The following TP53I11 variants were observed in gnomAD, a reference collection of about 807,000 sequenced individuals.
The protein encoded by TP53I11 is tumor protein p53-inducible protein 11.
In TP53I11, 9 loss-of-function variants were observed where a neutral mutation model predicts 23.3. That is an observed-to-expected ratio of 0.39 (90% CI 0.23 to 0.67). The LOEUF is 0.67. TP53I11 is among the 30% of genes least tolerant of loss of function. The pLI is 0.48. For synonymous variants in TP53I11, 100 were observed against 106.1 expected (o/e 0.94, Z 0.35); for missense variants, 170 against 255.2 (o/e 0.67, Z 2.27).
chr11:44,950,611 G>T (rs1337614587), intron 1 of TP53I11, 66 bp downstream of exon 1: 1 of 151,936 alleles, frequency 6.6e-6, no homozygotes, highest in African/African-American at 2.4e-5. Flanking sequence ...GTTGCGCTGC[G>T]CAGGCGGCGG....
At chr11:44,949,460 G>T (rs1428854290) in intron 1 of TP53I11, among the ~76,000 whole-genome samples, 2 of 152,208 alleles carry the variant, frequency 1.3e-5, no homozygotes, top group African/African-American at 2.4e-5. Context: ...TTGGCCAGCC[G>T]CTCTGGGCTT....
At chr11:44,938,508 A>T (rs751295060) in intron 1 of TP53I11, 142 bp from the exon 2 acceptor site, 3 of 987,402 alleles carry the variant, frequency 3.0e-6, no homozygotes, top group African/African-American at 1.7e-5. Context: ...GGGGGAGTAC[A>T]GCTGGCTTCC....
intron 1 of TP53I11, among the ~76,000 whole-genome samples, chr11:44,942,087 A>C (rs1299555860): frequency 7.2e-4 from 4 of 5,526 alleles, no homozygotes; most frequent in Non-Finnish European, 1.1e-3. Flanking sequence ...CACCATACAA[A>C]CTACACACAC....
chr11:44,935,785 G>T, intron 5 of TP53I11, 123 bp from the exon 6 acceptor site: 1 of 671,930 alleles, frequency 1.5e-6, no homozygotes, highest in Non-Finnish European at 2.6e-6. Context: ...TGGACTCCAC[G>T]CCTCCGCCCC....
intron 1 of TP53I11, among the ~76,000 whole-genome samples, chr11:44,941,975 TACAC>T (rs3051420): frequency 1.0e-3 from 102 of 98,644 alleles, no homozygotes; most frequent in African/African-American, 4.2e-3. Flanking sequence ...GCACACACAG[TACAC>T]ACACACACAC....
At position 44,932,424 on chromosome 11, in the gene TP53I11, G is replaced by A. The variant is rs3189352; in HGVS notation, c.*2460C>T. ...ACAAAGAATAAATAGTGACCGTGAA[G>A]AAAGGTGGTCTTGATTTGGGGTTGG... On this transcript the variant is annotated 3_prime_UTR_variant, in exon 7 of 7. Coordinates refer to ENST00000525680, the MANE Select transcript of TP53I11 (RefSeq NM_006034.5). The A allele has an allele frequency of 6.6e-6, 1 of 152,324 alleles. No homozygotes were observed. Among genetic ancestry groups the A allele is most frequent in the Non-Finnish European group, 1.5e-5 (1 of 68,086 alleles). The allele number at this position is 152,324 out of a possible 1,614,324, so 9.4% of individuals were successfully genotyped here.
In TP53I11 at chr11:44,936,238, TC is replaced by T. The variant is rs993354707; in HGVS notation, c.334+564del. The T allele has an allele frequency of 1.5e-5, 16 of 1,045,798 alleles. No homozygotes were observed. In the African/African-American group the frequency reaches 2.0e-4, roughly 13 times the overall value. 64.8% of individuals were successfully genotyped at this position (1,045,798 alleles called of 1,614,324 possible). On this transcript the variant is annotated intron_variant, in intron 5 of 6. Coordinates refer to ENST00000525680, the MANE Select transcript of TP53I11 (RefSeq NM_006034.5). The surrounding 1 kb of genome is among the most constrained non-coding windows in gnomAD (Gnocchi z 4.4). ...GCCACTGGGTGTGCATTTATTTTAT[TC>T]CAGCAACCCTAACTCCAGAGGAGCT...
At chr11:44,937,252 G>A in intron 4 of TP53I11, 52 bp downstream of exon 4, 1 of 1,540,246 alleles carries the variant, frequency 6.5e-7, no homozygotes, top group Non-Finnish European at 8.8e-7. Flanking sequence ...CCAGAGAAGG[G>A]CTGAGGGAGC....
At chr11:44,935,123 C>T in intron 6 of TP53I11, 106 bp from the exon 7 acceptor site, 1 of 1,533,668 alleles carries the variant, frequency 6.5e-7, no homozygotes, top group African/African-American at 1.4e-5. Context: ...TGACTTTGCT[C>T]TGAGCCCAGG....
At chr11:44,948,245 GTC>G (rs1862580360) in intron 1 of TP53I11, among the ~76,000 whole-genome samples, 2 of 152,264 alleles carry the variant, frequency 1.3e-5, no homozygotes, top group African/African-American at 4.8e-5. Flanking sequence ...CTGACATACT[GTC>G]TCTGAGCCTC....
rs2135403827 is a variant in TP53I11, at chr11:44,933,222, G to GT, written c.*1661dup. ...TCTCGGGGCATCCGCTGTAACCATG[G>GT]TGGTGCCACCACTCTGCTGGGTACA... On this transcript the variant is annotated 3_prime_UTR_variant, in exon 7 of 7. Transcript: ENST00000525680. 1 of 152,450 alleles carries GT rather than the reference G, an allele frequency of 6.6e-6. No individual in the cohort carries two copies. Among genetic ancestry groups the GT allele is most frequent in the Admixed American group, 6.5e-5 (1 of 15,310 alleles). The allele number at this position is 152,450 out of a possible 1,614,324, so 9.4% of individuals were successfully genotyped here.
In TP53I11 at chr11:44,936,424, G is replaced by A. The variant is rs915620939; in HGVS notation, c.334+379C>T. ...TGGTTCAAACAGAAGTGGCTCTGGGGATAAAATAGGGGGGGTGCGAGGGGT... is the reference window on the plus strand; with the variant it reads ...TGGTTCAAACAGAAGTGGCTCTGGGAATAAAATAGGGGGGGTGCGAGGGGT... On this transcript the variant is annotated intron_variant, in intron 5 of 6. Coordinates refer to ENST00000525680, the MANE Select transcript of TP53I11 (RefSeq NM_006034.5). This position sits in a 1 kb window ranked among gnomAD's most constrained non-coding sequence, Gnocchi z 4.4. 1 of 1,232,664 alleles carries A rather than the reference G, an allele frequency of 8.1e-7. No homozygotes were observed. Among genetic ancestry groups the A allele is most frequent in the Non-Finnish European group, 1.0e-6 (1 of 989,274 alleles). The allele number at this position is 1,232,664 out of a possible 1,614,324, so 76.4% of individuals were successfully genotyped here.
chr11:44,937,754 G>A, intron 2 of TP53I11, 141 bp from the exon 3 acceptor site: 1 of 760,464 alleles, frequency 1.3e-6, no homozygotes, highest in Non-Finnish European at 2.2e-6. Context: ...GGTGGGGAGG[G>A]TCACATGAGG....
chr11:44,947,252 C>T (rs1473934754), intron 1 of TP53I11: 1 of 397,648 alleles, frequency 2.5e-6, no homozygotes, highest in Non-Finnish European at 5.1e-6. Context: ...CTTTTCGACT[C>T]TGAGAATAGG....
intron 1 of TP53I11, among the ~76,000 whole-genome samples, chr11:44,942,385 C>G (rs1031759936): frequency 6.7e-6 from 1 of 148,366 alleles, no homozygotes; most frequent in Non-Finnish European, 1.5e-5. Flanking sequence ...ACACACACAC[C>G]ACACAAACCA....
chr11:44,936,731 T>G lies in TP53I11; in HGVS notation c.334+72A>C. ...AGGGGTGCCCGGGCACGGACCCCCG[T>G]GCTCTCCTCAGCCCCGCTGGGTCTC... On this transcript the variant is annotated intron_variant, in intron 5 of 6. Coordinates refer to ENST00000525680, the MANE Select transcript of TP53I11 (RefSeq NM_006034.5). The surrounding 1 kb of genome is among the most constrained non-coding windows in gnomAD (Gnocchi z 4.4). The G allele has an allele frequency of 7.1e-7, 1 of 1,402,832 alleles. No homozygotes were observed. The highest frequency in any genetic ancestry group is 1.6e-5 in the South Asian group (1 of 63,746). 86.9% of individuals were successfully genotyped at this position (1,402,832 alleles called of 1,614,324 possible). A position where few individuals can be genotyped will look rare whatever the true frequency, so the allele number is the denominator to read the frequency against.
intron 5 of TP53I11, 43 bp from the exon 6 acceptor site, chr11:44,935,705 ACTCC>A (rs752659763): frequency 2.2e-6 from 3 of 1,365,788 alleles, no homozygotes; most frequent in South Asian, 1.2e-5. Context: ...GGGACAGCTG[ACTCC>A]CTCCCAGCAG....
At chr11:44,942,429 T>TACAC (rs56662172) in intron 1 of TP53I11, among the ~76,000 whole-genome samples, 11 of 146,170 alleles carry the variant, frequency 7.5e-5, no homozygotes, top group African/African-American at 2.5e-4. Context: ...ACACACACCA[T>TACAC]ACACACACAC....
chr11:44,938,460 C>T, intron 1 of TP53I11, 94 bp from the exon 2 acceptor site: 1 of 1,390,480 alleles, frequency 7.2e-7, no homozygotes, highest in East Asian at 2.7e-5. Flanking sequence ...CACCCCACAC[C>T]AGGCCTGCTG....
Sources: gnomAD v4.1 joint callset for allele counts (sites outside exome capture counted in the v4.1 genomes callset) on GRCh38, gnomAD v4.1.1 for gene constraint, Gnocchi (gnomAD v3.1) non-coding constraint, MANE v1.5 for transcripts, NCBI Gene and HGNC (gene_info 2026-07-23, HGNC 2026-07-21) for gene names.